RNF144A: variants seen among roughly 807,000 people sequenced by gnomAD.
RNF144A encodes ring finger protein 144A.
Under a neutral mutation model 38.7 loss-of-function variants are expected in RNF144A, and 11 were observed. The observed-to-expected ratio is 0.28, with a 90% confidence interval of 0.18 to 0.47. The LOEUF is 0.47. RNF144A is among the 20% of genes least tolerant of loss of function. The pLI is 0.99. For synonymous variants in RNF144A, 149 were observed against 143.9 expected (o/e 1.04, Z -0.25); for missense variants, 316 against 377.2 (o/e 0.84, Z 1.34).
chr2:6,922,565 G>A (rs1176526686), intron 1 of RNF144A, among the ~76,000 whole-genome samples: 1 of 152,080 alleles, frequency 6.6e-6, no homozygotes, highest in African/African-American at 2.4e-5. Flanking sequence ...GCAGAATGCA[G>A]CAAGCTTGAC....
At chr2:7,074,331 C>G in the RNF144A span, among the ~76,000 whole-genome samples, 2 of 152,140 alleles carry the variant, frequency 1.3e-5, no homozygotes, top group Non-Finnish European at 2.9e-5. Flanking sequence ...TATTGACACA[C>G]CTGCTATATA....
At chr2:6,970,045 C>T (rs146252704) in intron 2 of RNF144A, among the ~76,000 whole-genome samples, 3,937 of 152,324 alleles carry the variant, frequency 0.026, 147 homozygotes, top group African/African-American at 0.09. Flanking sequence ...CAGGCGTAAG[C>T]CACCGCGCCT....
At chr2:6,952,689 G>A (rs1457147389) in intron 2 of RNF144A, among the ~76,000 whole-genome samples, 1 of 151,440 alleles carries the variant, frequency 6.6e-6, no homozygotes, top group East Asian at 1.9e-4. Flanking sequence ...GAATCCAGAT[G>A]TGTATTTCTA....
At chr2:7,062,323 C>T (rs533886694) in intron 6 of RNF144A, among the ~76,000 whole-genome samples, 9 of 151,834 alleles carry the variant, frequency 5.9e-5, no homozygotes, top group East Asian at 5.8e-4. Context: ...TGGTGGTGGT[C>T]GTGTTTTTGT....
At position 6,984,205 on chromosome 2, in the gene RNF144A, A is replaced by G. The variant is rs376818054; in HGVS notation, c.-11-12711A>G. Among the ~76,000 whole-genome samples the G allele has an allele frequency of 2.6e-5, 4 of 152,110 alleles. No homozygotes were observed. In the East Asian group the frequency reaches 7.7e-4, roughly 29 times the overall value. On this transcript the variant is annotated intron_variant, in intron 2 of 8. Coordinates refer to ENST00000320892, the MANE Select transcript of RNF144A (RefSeq NM_014746.6). ...TATTTATTTTCTGTCTCCCCGCTAGAGTGTAAGTTTCTCAAGGGTGGGAAT... is the reference window on the plus strand; with the variant it reads ...TATTTATTTTCTGTCTCCCCGCTAGGGTGTAAGTTTCTCAAGGGTGGGAAT...
intron 2 of RNF144A, among the ~76,000 whole-genome samples, chr2:6,968,963 A>G (rs886154551): frequency 6.6e-6 from 1 of 152,166 alleles, no homozygotes; most frequent in African/African-American, 2.4e-5. Flanking sequence ...GCCGCACCTC[A>G]AGAGCGCAGC....
intron 2 of RNF144A, among the ~76,000 whole-genome samples, chr2:6,992,700 G>A (rs1392184748): frequency 6.6e-6 from 1 of 152,146 alleles, no homozygotes; most frequent in East Asian, 1.9e-4. Flanking sequence ...GAGGTCCGTA[G>A]CCCTGGGGCT....
intron 7 of RNF144A, among the ~76,000 whole-genome samples, chr2:7,027,458 A>C (rs2280338): frequency 0.13 from 19,871 of 152,266 alleles, 2,056 homozygotes; most frequent in East Asian, 0.55. Context: ...AGTTGGAATG[A>C]GGAAGGCCAG....
intron 1 of RNF144A, among the ~76,000 whole-genome samples, chr2:6,926,022 C>T (rs1664843654): frequency 6.6e-6 from 1 of 152,244 alleles, no homozygotes; most frequent in Non-Finnish European, 1.5e-5. Context: ...AAACAGCTTT[C>T]TGTTTCCTTA....
At chr2:7,013,778 ACTT>A (rs980913147) in intron 3 of RNF144A, among the ~76,000 whole-genome samples, 2 of 152,132 alleles carry the variant, frequency 1.3e-5, no homozygotes, top group East Asian at 1.9e-4. Flanking sequence ...CATGTCCTTC[ACTT>A]CTTCTTGTTT....
chr2:6,957,905 C>T (rs1435148636), intron 2 of RNF144A, among the ~76,000 whole-genome samples: 2 of 152,220 alleles, frequency 1.3e-5, no homozygotes, highest in South Asian at 2.1e-4. Flanking sequence ...CACTCAATCT[C>T]AACATGTCTG....
At chr2:7,059,182 C>G (rs1273080424) in intron 6 of RNF144A, among the ~76,000 whole-genome samples, 1 of 151,936 alleles carries the variant, frequency 6.6e-6, no homozygotes, top group East Asian at 1.9e-4. Context: ...CCCATCTCTA[C>G]TAAAAATACA....
intron 6 of RNF144A, among the ~76,000 whole-genome samples, chr2:7,055,422 C>T (rs956882064): frequency 2.6e-5 from 4 of 152,196 alleles, no homozygotes; most frequent in Non-Finnish European, 2.9e-5. Context: ...CTACTCCTTC[C>T]CTGCAGCTCC....
intron 3 of RNF144A, among the ~76,000 whole-genome samples, chr2:7,013,163 T>C (rs558656907): frequency 2.7e-4 from 41 of 152,354 alleles, no homozygotes; most frequent in African/African-American, 9.6e-4. Context: ...ATATCAAGCA[T>C]ATACTCTTCT....
chr2:6,976,797 G>A (rs922381830), intron 2 of RNF144A, among the ~76,000 whole-genome samples: 3 of 148,436 alleles, frequency 2.0e-5, no homozygotes. Flanking sequence ...GAACAGATGG[G>A]GTTTATGCTT....
chr2:6,967,830 A>C (rs1265704743), intron 2 of RNF144A, among the ~76,000 whole-genome samples: 1 of 152,160 alleles, frequency 6.6e-6, no homozygotes, highest in Non-Finnish European at 1.5e-5. Flanking sequence ...TAATGTGTAA[A>C]ATGAGGGAAA....
intron 5 of RNF144A, among the ~76,000 whole-genome samples, chr2:7,017,773 A>G (rs1182851205): frequency 6.6e-6 from 1 of 152,200 alleles, no homozygotes; most frequent in Non-Finnish European, 1.5e-5. Flanking sequence ...CAGAATGTTA[A>G]TAGACATCTA....
Position 7,042,769 on chromosome 2 carries a change from G to A in RNF144A, c.*3009G>A, listed in dbSNP as rs190042733. 6.0e-5 allele frequency: 59 copies of A among 985,454 alleles called. 2 individuals carry two copies. Among genetic ancestry groups the A allele is most frequent in the African/African-American group, 4.5e-4 (26 of 57,352 alleles). 61.0% of individuals were successfully genotyped at this position (985,454 alleles called of 1,614,324 possible). A position where few individuals can be genotyped will look rare whatever the true frequency, so the allele number is the denominator to read the frequency against. ...GACTTAGGATCTGAGATAAAGCATC[G>A]GATTGCAGGAATAACTGTCCAAATT... On this transcript the variant is annotated 3_prime_UTR_variant, in exon 9 of 9. Transcript: ENST00000320892.
intron 6 of RNF144A, among the ~76,000 whole-genome samples, chr2:7,021,537 G>C (rs1671534311): frequency 6.6e-6 from 1 of 152,146 alleles, no homozygotes. Context: ...GCCCTGCTCT[G>C]CCCTCCTCCT....
Sources: gnomAD v4.1 joint callset for allele counts (sites outside exome capture counted in the v4.1 genomes callset) on GRCh38, gnomAD v4.1.1 for gene constraint, MANE v1.5 for transcripts, NCBI Gene and HGNC (gene_info 2026-07-23, HGNC 2026-07-21) for gene names.